ANKHD1: variants seen among roughly 807,000 people sequenced by gnomAD.
ANKHD1 encodes ankyrin repeat and KH domain containing 1, also known as ankyrin repeat and KH domain-containing protein 1.
A neutral mutation model predicts 230.5 loss-of-function variants in ANKHD1; 31 were observed. The observed-to-expected ratio is 0.13, with a 90% CI of 0.10 to 0.18. The LOEUF (loss-of-function observed/expected upper bound fraction) is 0.18. Among genes scored for constraint, ANKHD1 ranks in the 10% least tolerant of loss-of-function variants. The pLI, the probability that ANKHD1 is intolerant of heterozygous loss-of-function variation, is 1.00. For synonymous variants in ANKHD1, 1,074 were observed against 1,117.6 expected, an observed-to-expected ratio of 0.96 and a Z score of 0.78; for missense variants, 2,256 against 3,071.3, an observed-to-expected ratio of 0.73 and a Z score of 6.27.
intron 14 of ANKHD1, among the ~76,000 whole-genome samples, chr5:140,488,053 C>G (rs1751585353): frequency 6.6e-6 from 1 of 152,158 alleles, no homozygotes; most frequent in Non-Finnish European, 1.5e-5. Context: ...TAAGCTAATT[C>G]TAGCAGTTTT....
At chr5:140,505,970 TTG>T in intron 18 of ANKHD1, 101 bp downstream of exon 18, 1 of 1,497,488 alleles carries the variant, frequency 6.7e-7, no homozygotes, top group East Asian at 2.4e-5. Flanking sequence ...TGCATGTATT[TTG>T]TGTGTTTGTT....
At chr5:140,439,647 GC>G (rs1278949519) in intron 3 of ANKHD1, among the ~76,000 whole-genome samples, 4 of 151,966 alleles carry the variant, frequency 2.6e-5, no homozygotes, top group Non-Finnish European at 5.9e-5. Flanking sequence ...TCCAGCCTGG[GC>G]AACAGAGTGA....
intron 6 of ANKHD1, among the ~76,000 whole-genome samples, chr5:140,448,026 T>C (rs1774425717): frequency 6.6e-6 from 1 of 152,144 alleles, no homozygotes; most frequent in African/African-American, 2.4e-5. Context: ...CTCACACCTA[T>C]AATCCCAGCA....
chr5:140,537,263 C>T, intron 30 of ANKHD1, 126 bp from the exon 31 acceptor site: 1 of 1,424,754 alleles, frequency 7.0e-7, no homozygotes, highest in Non-Finnish European at 9.2e-7. Flanking sequence ...TGGAATAGAT[C>T]TTTCCAACAA....
chr5:140,519,089 T>C (rs959366247), intron 24 of ANKHD1, among the ~76,000 whole-genome samples: 1 of 152,076 alleles, frequency 6.6e-6, no homozygotes, highest in Non-Finnish European at 1.5e-5. Context: ...TCAGCAAAGT[T>C]TCAGGATACA....
intron 20 of ANKHD1, among the ~76,000 whole-genome samples, chr5:140,509,159 A>G (rs1752658676): frequency 6.6e-6 from 1 of 152,204 alleles, no homozygotes; most frequent in Non-Finnish European, 1.5e-5. Flanking sequence ...TTTCTATTAC[A>G]AGTATTCATT....
chr5:140,403,041 C>G (rs1269027805), intron 1 of ANKHD1, among the ~76,000 whole-genome samples: 1 of 143,406 alleles, frequency 7.0e-6, no homozygotes, highest in Middle Eastern at 3.8e-3. Flanking sequence ...GTGATCTCAG[C>G]TCACTGCAAC....
intron 1 of ANKHD1, among the ~76,000 whole-genome samples, chr5:140,420,209 C>G (rs1355942050): frequency 2.0e-5 from 3 of 151,560 alleles, no homozygotes; most frequent in African/African-American, 7.3e-5. Flanking sequence ...AGGCTGGTCT[C>G]AAACTCCTGG....
At chr5:140,528,097 A>G in intron 28 of ANKHD1, 75 bp downstream of exon 28, 2 of 1,561,432 alleles carry the variant, frequency 1.3e-6, no homozygotes, top group Non-Finnish European at 1.7e-6. Flanking sequence ...GTATGGTATA[A>G]TTAAGAACTT....
At chr5:140,403,998 G>GA (rs935222007) in intron 1 of ANKHD1, among the ~76,000 whole-genome samples, 1 of 151,808 alleles carries the variant, frequency 6.6e-6, no homozygotes, top group Non-Finnish European at 1.5e-5. Flanking sequence ...TTTTGCTTTG[G>GA]AAAAAAAAGT....
chr5:140,535,284 C>T (rs1164756948), intron 29 of ANKHD1, 78 bp from the exon 30 acceptor site: 2 of 1,495,640 alleles, frequency 1.3e-6, no homozygotes, highest in Non-Finnish European at 1.8e-6. Context: ...CAGCTTATCT[C>T]ACTTTGGTGG....
chr5:140,430,234 G>A (rs1230067746), intron 1 of ANKHD1, among the ~76,000 whole-genome samples: 2 of 152,134 alleles, frequency 1.3e-5, no homozygotes, highest in Non-Finnish European at 2.9e-5. Context: ...TTGATGGGCC[G>A]TATTCCTTTA....
At chr5:140,405,156 A>C (rs527474395) in intron 1 of ANKHD1, among the ~76,000 whole-genome samples, 1 of 152,118 alleles carries the variant, frequency 6.6e-6, no homozygotes, top group East Asian at 1.9e-4. Context: ...ATGTTAGAAG[A>C]GCCCCATATT....
chr5:140,461,792 C>G (rs1348708276), intron 9 of ANKHD1, among the ~76,000 whole-genome samples: 1 of 152,058 alleles, frequency 6.6e-6, no homozygotes, highest in Non-Finnish European at 1.5e-5. Context: ...AACCACAATA[C>G]AATTTTCCTA....
At position 140,475,497 on chromosome 5, in the gene ANKHD1, G is replaced by A. The variant is rs554688485; in HGVS notation, c.1783-7083G>A. Among the ~76,000 whole-genome samples the A allele has an allele frequency of 5.9e-5, 9 of 152,120 alleles. No individual in the cohort carries two copies. The East Asian group carries it at 1.5e-3, about 26-fold the overall frequency. On this transcript the variant is annotated intron_variant, in intron 10 of 33. Transcript: ENST00000360839. ...AAAAATATTTGATCAACTATCTAGG[G>A]TTATGGTTAGAAATTAGCAAATTGT...
chr5:140,483,209 C>G (rs1751360704), intron 11 of ANKHD1, among the ~76,000 whole-genome samples: 1 of 152,128 alleles, frequency 6.6e-6, no homozygotes, highest in Non-Finnish European at 1.5e-5. Flanking sequence ...TTAGGTTTAA[C>G]CGTATATAAT....
chr5:140,405,528 T>A (rs538311838), intron 1 of ANKHD1, among the ~76,000 whole-genome samples: 1 of 152,346 alleles, frequency 6.6e-6, no homozygotes, highest in South Asian at 2.1e-4. Context: ...CCTTTGAATT[T>A]TCAGTGTGAA....
At chr5:140,442,033 C>CTTTTTTT (rs901282726) in intron 5 of ANKHD1, among the ~76,000 whole-genome samples, 34 of 86,902 alleles carry the variant, frequency 3.9e-4, no homozygotes, top group Non-Finnish European at 4.8e-4. Flanking sequence ...ATAAGATATT[C>CTTTTTTT]TTTTTTTTTT....
intron 30 of ANKHD1, chr5:140,537,054 G>T (rs1754119457): frequency 6.0e-6 from 1 of 166,698 alleles, no homozygotes; most frequent in Non-Finnish European, 1.3e-5. Context: ...GTAATGTTTT[G>T]AGCAGATTAT....
Sources: gnomAD v4.1 joint callset for allele counts (sites outside exome capture counted in the v4.1 genomes callset) on GRCh38, gnomAD v4.1.1 for gene constraint, MANE v1.5 for transcripts, NCBI Gene and HGNC (gene_info 2026-07-23, HGNC 2026-07-21) for gene names.